The following GNA14 variants were observed in gnomAD, a reference collection of about 807,000 sequenced individuals.
GNA14 encodes G protein subunit alpha 14, also known as guanine nucleotide-binding protein subunit alpha-14.
GNA14 carries 50 observed loss-of-function variants against 42.0 expected under a neutral mutation model. That is an observed-to-expected ratio of 1.19 (90% CI 0.95 to 1.51). GNA14 has a LOEUF of 1.51. GNA14 is among the 40% of genes most tolerant of loss of function. GNA14 has a pLI of 0.00. For synonymous variants in GNA14, 173 were observed against 163.1 expected (o/e 1.06, Z -0.46); for missense variants, 473 against 446.2 (o/e 1.06, Z -0.54).
At chr9:77,580,177 G>A (rs1414830055) in intron 1 of GNA14, 2 of 242,876 alleles carry the variant, frequency 8.2e-6, no homozygotes, top group Admixed American at 9.9e-5. Context: ...ACCACACTGG[G>A]TTGTTGCTGC....
At chr9:77,516,442 G>A (rs1837259061) in intron 2 of GNA14, among the ~76,000 whole-genome samples, 1 of 152,060 alleles carries the variant, frequency 6.6e-6, no homozygotes, top group Non-Finnish European at 1.5e-5. Context: ...AGTAACACAG[G>A]TCAGCCGGGC....
At chr9:77,441,521 G>T (rs1342561057) in intron 2 of GNA14, among the ~76,000 whole-genome samples, 1 of 152,094 alleles carries the variant, frequency 6.6e-6, no homozygotes, top group East Asian at 1.9e-4. Context: ...ACTTATTATA[G>T]ATAATAAAAA....
At chr9:77,568,305 G>T (rs1448225214) in intron 1 of GNA14, among the ~76,000 whole-genome samples, 1 of 151,938 alleles carries the variant, frequency 6.6e-6, no homozygotes, top group African/African-American at 2.4e-5. Flanking sequence ...GATATTTCCA[G>T]TGGGAATGTA....
chr9:77,467,000 G>GGTGTGTGT (rs59321037), intron 2 of GNA14, among the ~76,000 whole-genome samples: 12,889 of 143,488 alleles, frequency 0.09, 622 homozygotes, highest in African/African-American at 0.13. Flanking sequence ...TTTACCACTC[G>GGTGTGTGT]GTGTGTGTGT....
chr9:77,448,164 A>G (rs149103929), intron 2 of GNA14, among the ~76,000 whole-genome samples: 15 of 152,320 alleles, frequency 9.8e-5, no homozygotes, highest in African/African-American at 3.6e-4. Flanking sequence ...AGCAGCATCA[A>G]GCTGTTGAGA....
intron 1 of GNA14, among the ~76,000 whole-genome samples, chr9:77,636,392 T>C (rs986300918): frequency 2.6e-5 from 4 of 152,260 alleles, no homozygotes; most frequent in African/African-American, 9.6e-5. Flanking sequence ...GTCAGTCAAT[T>C]TTTAAAAAGC....
chr9:77,647,243 T>C (rs1242005430), intron 1 of GNA14, among the ~76,000 whole-genome samples: 1 of 152,122 alleles, frequency 6.6e-6, no homozygotes, highest in East Asian at 1.9e-4. Context: ...ATCTGGCACA[T>C]GGTAAATTCT....
chr9:77,523,616 T>C (rs1421058744), intron 2 of GNA14, among the ~76,000 whole-genome samples: 3 of 152,162 alleles, frequency 2.0e-5, no homozygotes, highest in African/African-American at 7.2e-5. Flanking sequence ...AAAAAATCTG[T>C]TTTGGTTCTT....
At chr9:77,506,568 T>C (rs947608819) in intron 2 of GNA14, among the ~76,000 whole-genome samples, 4 of 152,040 alleles carry the variant, frequency 2.6e-5, no homozygotes, top group African/African-American at 9.7e-5. Context: ...TCCCAGCTAC[T>C]TGGGAGGCTG....
intron 2 of GNA14, among the ~76,000 whole-genome samples, chr9:77,490,529 C>T (rs767258913): frequency 1.1e-4 from 17 of 152,238 alleles, no homozygotes; most frequent in Non-Finnish European, 2.4e-4. Flanking sequence ...GCCTGCCTCG[C>T]GGGAAGGCAG....
intron 1 of GNA14, among the ~76,000 whole-genome samples, chr9:77,586,333 A>G (rs547096686): frequency 3.9e-5 from 6 of 152,314 alleles, no homozygotes; most frequent in East Asian, 3.9e-4. Flanking sequence ...AATTTTTTAA[A>G]AAAGGTCAAA....
chr9:77,487,999 T>C (rs1206290307), intron 2 of GNA14, among the ~76,000 whole-genome samples: 1 of 151,844 alleles, frequency 6.6e-6, no homozygotes, highest in East Asian at 1.9e-4. Context: ...AGGACCATCA[T>C]CTAAAAAGGT....
intron 2 of GNA14, among the ~76,000 whole-genome samples, chr9:77,522,141 T>C (rs545357738): frequency 6.6e-6 from 1 of 152,224 alleles, no homozygotes; most frequent in Non-Finnish European, 1.5e-5. Context: ...ATTTTTATTA[T>C]AAACAAAGCC....
At chr9:77,488,784 T>TAAAAAAAAAAAA (rs67416479) in intron 2 of GNA14, among the ~76,000 whole-genome samples, 12 of 53,688 alleles carry the variant, frequency 2.2e-4, no homozygotes, top group African/African-American at 6.0e-4. Flanking sequence ...CACACCTAAT[T>TAAAAAAAAAAAA]AAAAAAAAAA....
intron 2 of GNA14, among the ~76,000 whole-genome samples, chr9:77,454,363 G>A (rs945900488): frequency 2.0e-5 from 3 of 152,082 alleles, no homozygotes; most frequent in African/African-American, 4.8e-5. Context: ...TCTCTCCTTC[G>A]GGTTACAACT....
chr9:77,569,746 A>G (rs1823031552), intron 1 of GNA14, among the ~76,000 whole-genome samples: 1 of 151,022 alleles, frequency 6.6e-6, no homozygotes, highest in South Asian at 2.1e-4. Flanking sequence ...GGTAGTAGGG[A>G]TATGTTTTTC....
At chr9:77,511,965 G>A (rs1334842778) in intron 2 of GNA14, among the ~76,000 whole-genome samples, 1 of 152,128 alleles carries the variant, frequency 6.6e-6, no homozygotes, top group Non-Finnish European at 1.5e-5. Context: ...CCTCATGCCT[G>A]TGCCGCCATG....
intron 1 of GNA14, among the ~76,000 whole-genome samples, chr9:77,573,963 C>T (rs62573426): frequency 0.13 from 19,146 of 152,048 alleles, 2,575 homozygotes; most frequent in African/African-American, 0.34. Context: ...TCTCTATACA[C>T]CCCATAACCT....
intron 2 of GNA14, among the ~76,000 whole-genome samples, chr9:77,439,620 G>A (rs113733098): frequency 6.6e-6 from 1 of 152,168 alleles, no homozygotes; most frequent in Non-Finnish European, 1.5e-5. Context: ...CTGAGTGAAA[G>A]AGTGAGATAC....
Sources: gnomAD v4.1 joint callset for allele counts (sites outside exome capture counted in the v4.1 genomes callset) on GRCh38, gnomAD v4.1.1 for gene constraint, MANE v1.5 for transcripts, NCBI Gene and HGNC (gene_info 2026-07-23, HGNC 2026-07-21) for gene names.